CAMKK2: variants seen among roughly 807,000 people sequenced by gnomAD.
CAMKK2 encodes calcium/calmodulin dependent protein kinase kinase 2.
CAMKK2 carries 30 observed loss-of-function variants against 67.2 expected under a neutral mutation model. That is an observed-to-expected ratio of 0.45 (90% CI 0.33 to 0.61). CAMKK2 has a LOEUF of 0.61. CAMKK2 is among the 20% of genes least tolerant of loss of function. The pLI, the probability that CAMKK2 is intolerant of heterozygous loss-of-function variation, is 0.02. For missense variants in CAMKK2, 643 were observed against 802.0 expected, an observed-to-expected ratio of 0.80 and a Z score of 2.39; for synonymous variants, 322 against 326.2, an observed-to-expected ratio of 0.99 and a Z score of 0.14.
At chr12:121,286,636 C>G (rs376581816) in intron 1 of CAMKK2, among the ~76,000 whole-genome samples, 8 of 151,358 alleles carry the variant, frequency 5.3e-5, no homozygotes, top group Admixed American at 3.3e-4. Context: ...CTTGATCTCC[C>G]GGGCTCAAGC....
At chr12:121,264,382 AT>A (rs535310958) in intron 5 of CAMKK2, among the ~76,000 whole-genome samples, 59 of 152,344 alleles carry the variant, frequency 3.9e-4, no homozygotes, top group Middle Eastern at 6.8e-3. Flanking sequence ...CATGCCTGTG[AT>A]CCCAGCACTT....
chr12:121,295,607 A>C lies in CAMKK2; in HGVS notation c.-60+1031T>G, dbSNP rs1566159903. Among the ~76,000 whole-genome samples, 3 of 152,268 alleles carry C rather than the reference A, an allele frequency of 2.0e-5. No homozygotes were observed. In the East Asian group the frequency reaches 5.8e-4, roughly 29 times the overall value. On this transcript the variant is annotated intron_variant, in intron 1 of 16. Coordinates refer to ENST00000404169, the MANE Select transcript of CAMKK2 (RefSeq NM_001270485.2). The stretch of plus-strand genomic sequence containing the variant: ...GGCAGCACAGCTCTAGGGCACCTGA[A>C]GTTTCTATCCCCTGCGTGGAGACTC...
chr12:121,276,030 T>G (rs1333149153), intron 1 of CAMKK2, among the ~76,000 whole-genome samples: 1 of 150,760 alleles, frequency 6.6e-6, no homozygotes, highest in Non-Finnish European at 1.5e-5. Context: ...TGTGGTGATG[T>G]ACACCTGTAG....
chr12:121,281,952 G>A (rs1897882774), intron 1 of CAMKK2, among the ~76,000 whole-genome samples: 1 of 152,046 alleles, frequency 6.6e-6, no homozygotes. Context: ...TCTTGAAAAA[G>A]AAAAAGTAGG....
rs564579663 is a variant in CAMKK2, at chr12:121,294,467, G to A, written c.-60+2171C>T. ...TACCAGCCCACTAGCCATATCTAAGGATGGGCAGTACTACAGACCCTGCAT... is the reference window on the plus strand; with the variant it reads ...TACCAGCCCACTAGCCATATCTAAGAATGGGCAGTACTACAGACCCTGCAT... On this transcript the variant is annotated intron_variant, in intron 1 of 16. Coordinates refer to ENST00000404169, the MANE Select transcript of CAMKK2 (RefSeq NM_001270485.2). 3.3e-5 allele frequency among the ~76,000 whole-genome samples: 5 copies of A among 152,302 alleles called. No homozygotes were observed. In the East Asian group the frequency reaches 9.6e-4, roughly 29 times the overall value.
upstream of CAMKK2, chr12:121,297,353 G>T (rs976522742): frequency 3.1e-4 from 96 of 313,444 alleles, 1 homozygote; most frequent in Non-Finnish European, 1.1e-4. Context: ...GCCCCCTTCC[G>T]CAGCTGCCTG....
At chr12:121,265,046 T>C (rs991760876) in intron 5 of CAMKK2, among the ~76,000 whole-genome samples, 8 of 151,704 alleles carry the variant, frequency 5.3e-5, no homozygotes, top group African/African-American at 1.9e-4. Context: ...GAAGCAAGCA[T>C]CGGGAGAGAA....
chr12:121,282,019 G>C (rs1196413877), intron 1 of CAMKK2, among the ~76,000 whole-genome samples: 1 of 152,138 alleles, frequency 6.6e-6, no homozygotes. Context: ...TGATCAAAGA[G>C]AATACCAGAG....
At chr12:121,259,374 T>C (rs1892993899) in intron 7 of CAMKK2, among the ~76,000 whole-genome samples, 1 of 152,190 alleles carries the variant, frequency 6.6e-6, no homozygotes, top group Non-Finnish European at 1.5e-5. Flanking sequence ...GGTTTTTGAA[T>C]GTTGTCCCTG....
At chr12:121,246,256 G>A (rs535529093) in intron 14 of CAMKK2, among the ~76,000 whole-genome samples, 3 of 149,702 alleles carry the variant, frequency 2.0e-5, no homozygotes, top group African/African-American at 4.9e-5. Context: ...GAAGGAGCGG[G>A]GGGGGGGAGG....
chr12:121,274,394 T>C lies in CAMKK2; in HGVS notation c.133A>G (p.Ile45Val), dbSNP rs1896404256. ...ATGAAGGACTCCATGCCCAGGTGGA[T>C]GCTCAAGGATGAGAGGCCCCGCAGG... ...EALRGLSSLS[I>V]HLGMESFIVV... Residue 45 changes from isoleucine to valine, a missense_variant, in exon 2 of 17, where the codon ATC (isoleucine) becomes GTC (valine). Ile to Val is a conservative substitution (Grantham distance 29). This residue lies in a region of CAMKK2 where 483 missense variants were observed against 625.8 expected (regional missense o/e 0.77). Transcript: ENST00000404169. 2 of 1,613,440 alleles carry C rather than the reference T, an allele frequency of 1.2e-6. No homozygotes were observed. The highest frequency in any genetic ancestry group is 2.7e-5 in the African/African-American group (2 of 75,044).
intron 16 of CAMKK2, among the ~76,000 whole-genome samples, chr12:121,241,861 G>A (rs977648325): frequency 5.4e-4 from 82 of 152,346 alleles, no homozygotes; most frequent in Admixed American, 8.5e-4. Context: ...TACTGCAGAC[G>A]GCAGGCAGGC....
chr12:121,286,053 A>G (rs1465493403), intron 1 of CAMKK2, among the ~76,000 whole-genome samples: 1 of 152,204 alleles, frequency 6.6e-6, no homozygotes, highest in Non-Finnish European at 1.5e-5. Context: ...GGATTCAGCC[A>G]TGCCTGAAGC....
intron 14 of CAMKK2, among the ~76,000 whole-genome samples, chr12:121,247,772 T>C (rs1048751575): frequency 6.6e-6 from 1 of 152,160 alleles, no homozygotes; most frequent in African/African-American, 2.4e-5. Context: ...TCTGGGCTCC[T>C]ACAGGGGCAA....
At position 121,268,675 on chromosome 12, in the gene CAMKK2, C is replaced by T. The variant is rs200818715; in HGVS notation, c.588G>A (p.Leu196=). ...NDNTYYAMKV[L]SKKKLIRQAG... is the part of the protein sequence containing the mutation. ...CCTGCCGGATCAGCTTCTTTTTGGA[C>T]AGCACCTTCATTGCCTGCAGGAAAA... The change falls in exon 5 of 17, where the codon CTG becomes CTA. Residue 196 remains leucine (L), a synonymous_variant. Coordinates refer to ENST00000404169, the MANE Select transcript of CAMKK2 (RefSeq NM_001270485.2). The T allele has an allele frequency of 2.3e-5, 37 of 1,614,004 alleles. No individual in the cohort carries two copies. Among genetic ancestry groups the T allele is most frequent in the Non-Finnish European group, 3.1e-5 (36 of 1,179,982 alleles).
rs202132096 is a variant in CAMKK2 at position 121,248,781 on chromosome 12, C to T, written c.1324-47G>A. 38 of 1,609,906 alleles carry T rather than the reference C, an allele frequency of 2.4e-5. No homozygotes were observed. The East Asian group carries it at 6.0e-4, about 25-fold the overall frequency. Reference sequence around the variant, plus strand: ...GTGAGGGGCAGGTGTGGCTGGCTACCGGGGGGCCCTGCCAGCGAGCGGAGC... The same window carrying T: ...GTGAGGGGCAGGTGTGGCTGGCTACTGGGGGGCCCTGCCAGCGAGCGGAGC... On this transcript the variant is annotated intron_variant, in intron 13 of 16. Transcript: ENST00000404169.
chr12:121,265,162 C>G (rs974947762), intron 5 of CAMKK2, among the ~76,000 whole-genome samples: 2 of 152,090 alleles, frequency 1.3e-5, no homozygotes, highest in African/African-American at 2.4e-5. Flanking sequence ...AAAACCCTCA[C>G]GATGGCACAC....
At chr12:121,264,124 T>C (rs915035183) in intron 5 of CAMKK2, among the ~76,000 whole-genome samples, 185 bp from the exon 6 acceptor site, 2 of 152,196 alleles carry the variant, frequency 1.3e-5, no homozygotes, top group Non-Finnish European at 2.9e-5. Flanking sequence ...TGGAAGTGAG[T>C]GAGGGCGGAG....
chr12:121,270,975 T>A (rs199517871), intron 2 of CAMKK2, 30 bp from the exon 3 acceptor site: 46 of 1,605,894 alleles, frequency 2.9e-5, no homozygotes, highest in Non-Finnish European at 3.2e-5. Flanking sequence ...ACGTGCAAAA[T>A]GAATTTTAAG....
Sources: allele counts gnomAD v4.1 joint callset (sites outside exome capture counted in the v4.1 genomes callset), GRCh38; gene constraint gnomAD v4.1.1; regional missense constraint gnomAD v4.1.1; transcripts MANE v1.5; gene names NCBI Gene and HGNC (gene_info 2026-07-23, HGNC 2026-07-21).